The following MCF2L2 variants were observed in gnomAD, a reference collection of about 807,000 sequenced individuals.
The protein encoded by MCF2L2 is MCF.2 cell line derived transforming sequence-like 2, also known as probable guanine nucleotide exchange factor MCF2L2.
In MCF2L2, 102 loss-of-function variants were observed where a neutral mutation model predicts 150.2. The ratio of observed to expected loss-of-function variants is 0.68; its 90% CI spans 0.58 to 0.80. The LOEUF (loss-of-function observed/expected upper bound fraction) is 0.80. Ranked by LOEUF, MCF2L2 falls within the 30% of genes least tolerant of loss-of-function variation. The pLI is 0.00. For missense variants in MCF2L2, 1,256 were observed against 1,372.8 expected, an observed-to-expected ratio of 0.91 and a Z score of 1.34; for synonymous variants, 465 against 491.3, an observed-to-expected ratio of 0.95 and a Z score of 0.71.
chr3:183,204,978 G>A (rs182687062), intron 25 of MCF2L2, among the ~76,000 whole-genome samples: 6 of 152,374 alleles, frequency 3.9e-5, no homozygotes, highest in African/African-American at 1.2e-4. Flanking sequence ...CAGGGGCTGG[G>A]TAAAGGTGAG....
chr3:183,353,845 A>C (rs1711610403), intron 3 of MCF2L2, among the ~76,000 whole-genome samples: 1 of 152,206 alleles, frequency 6.6e-6, no homozygotes, highest in South Asian at 2.1e-4. Context: ...AAAATAAGGC[A>C]GCCCTTTCCC....
At chr3:183,396,548 C>T (rs573961190) in intron 1 of MCF2L2, among the ~76,000 whole-genome samples, 59 of 152,270 alleles carry the variant, frequency 3.9e-4, no homozygotes, top group African/African-American at 1.4e-3. Flanking sequence ...CTGTTCTCAA[C>T]AGTTCAAAGT....
chr3:183,422,036 C>T (rs1327107436), intron 1 of MCF2L2, among the ~76,000 whole-genome samples: 1 of 152,196 alleles, frequency 6.6e-6, no homozygotes, highest in Non-Finnish European at 1.5e-5. Context: ...CTACTGCTTG[C>T]TTTATCGTTT....
At chr3:183,412,114 A>G (rs867365308) in intron 1 of MCF2L2, among the ~76,000 whole-genome samples, 2 of 152,214 alleles carry the variant, frequency 1.3e-5, no homozygotes, top group Non-Finnish European at 2.9e-5. Context: ...CTACAAAATC[A>G]TAAGTTTTCT....
At chr3:183,391,075 T>C (rs538839566) in intron 1 of MCF2L2, among the ~76,000 whole-genome samples, 1 of 152,264 alleles carries the variant, frequency 6.6e-6, no homozygotes, top group South Asian at 2.1e-4. Flanking sequence ...GATATTCTAG[T>C]GTTGACCAAT....
intron 6 of MCF2L2, among the ~76,000 whole-genome samples, chr3:183,318,903 G>C (rs115646179): frequency 2.6e-5 from 4 of 152,194 alleles, no homozygotes. Flanking sequence ...TTTGCTGCCG[G>C]AGGGTCTTGC....
At chr3:183,405,535 A>G (rs1715000074) in intron 1 of MCF2L2, among the ~76,000 whole-genome samples, 1 of 152,178 alleles carries the variant, frequency 6.6e-6, no homozygotes, top group African/African-American at 2.4e-5. Flanking sequence ...ACCTTTTCCC[A>G]GTATCATAGA....
intron 22 of MCF2L2, among the ~76,000 whole-genome samples, chr3:183,214,061 T>C (rs1467254078): frequency 6.6e-6 from 1 of 152,198 alleles, no homozygotes; most frequent in Admixed American, 6.5e-5. Flanking sequence ...GGGCAGAATG[T>C]TATTTGCTCA....
intron 3 of MCF2L2, among the ~76,000 whole-genome samples, chr3:183,343,514 G>T (rs1439822857): frequency 6.6e-6 from 1 of 151,960 alleles, no homozygotes; most frequent in African/African-American, 2.4e-5. Context: ...GGGATTACAG[G>T]TGCCCACCAC....
chr3:183,276,819 C>T, intron 15 of MCF2L2, 53 bp downstream of exon 15: 2 of 1,286,642 alleles, frequency 1.6e-6, no homozygotes, highest in Non-Finnish European at 2.2e-6. Flanking sequence ...GGATCCTCGC[C>T]ACCCATGCCC....
intron 15 of MCF2L2, among the ~76,000 whole-genome samples, chr3:183,273,746 A>G (rs1028767574): frequency 2.6e-5 from 4 of 152,202 alleles, no homozygotes; most frequent in African/African-American, 9.7e-5. Context: ...TAGATACACA[A>G]ATACTTTCCA....
chr3:183,278,432 A>G (rs1727291242), intron 14 of MCF2L2, among the ~76,000 whole-genome samples: 1 of 151,942 alleles, frequency 6.6e-6, no homozygotes, highest in Admixed American at 6.6e-5. Context: ...GTCAAATTCA[A>G]TCTAATTATT....
chr3:183,246,425 G>T (rs974989403), intron 15 of MCF2L2, among the ~76,000 whole-genome samples: 7 of 152,162 alleles, frequency 4.6e-5, no homozygotes, highest in South Asian at 2.1e-4. Context: ...TCTCATATAA[G>T]TGGAATCATA....
chr3:183,257,766 T>C (rs1725177938), intron 15 of MCF2L2, among the ~76,000 whole-genome samples: 2 of 146,480 alleles, frequency 1.4e-5, no homozygotes, highest in Admixed American at 6.6e-5. Flanking sequence ...TGGTTTTTCT[T>C]ATTATTATTC....
intron 3 of MCF2L2, among the ~76,000 whole-genome samples, chr3:183,363,933 T>C (rs1712364983): frequency 6.6e-6 from 1 of 152,094 alleles, no homozygotes; most frequent in Non-Finnish European, 1.5e-5. Context: ...TCCACAGAAA[T>C]TGATCACAAT....
intron 1 of MCF2L2, among the ~76,000 whole-genome samples, chr3:183,411,577 T>A (rs537487674): frequency 6.6e-6 from 1 of 152,218 alleles, no homozygotes; most frequent in South Asian, 2.1e-4. Flanking sequence ...GCTATATTAA[T>A]TAAGTGTAAT....
At position 183,427,922 on chromosome 3, in the gene MCF2L2, G is replaced by C. The variant is rs1230721373; in HGVS notation, c.56C>G (p.Ala19Gly). Residue 19 changes from alanine (A) to glycine (G), a missense_variant, in exon 1 of 30, where the codon GCC (alanine) becomes GGC (glycine). By Grantham distance (60) the Ala-to-Gly change is moderately conservative. Coordinates refer to ENST00000328913, the MANE Select transcript of MCF2L2 (RefSeq NM_015078.4). ...TTTACCGACATGAGTGATCACTGTG[G>C]CCAGTCGCCGGGTGAGCTCCTGGGG... ...MPPQELTRRL[A>G]TVITHVDEIM... The C allele has an allele frequency of 2.5e-6, 4 of 1,614,074 alleles. No homozygotes were observed. Among genetic ancestry groups the C allele is most frequent in the Non-Finnish European group, 3.4e-6 (4 of 1,179,900 alleles).
intron 3 of MCF2L2, among the ~76,000 whole-genome samples, chr3:183,360,570 C>CAA (rs112722998): frequency 2.1e-5 from 3 of 145,778 alleles, no homozygotes; most frequent in African/African-American, 7.5e-5. Context: ...GAACCTGTCT[C>CAA]AAAAAAAAAA....
intron 10 of MCF2L2, among the ~76,000 whole-genome samples, chr3:183,300,503 CT>C: frequency 6.6e-6 from 1 of 152,262 alleles, no homozygotes; most frequent in African/African-American, 2.4e-5. Flanking sequence ...CAGATATCAA[CT>C]AAATTACACA....
Sources: allele counts gnomAD v4.1 joint callset (sites outside exome capture counted in the v4.1 genomes callset), GRCh38; gene constraint gnomAD v4.1.1; transcripts MANE v1.5; gene names NCBI Gene and HGNC (gene_info 2026-07-23, HGNC 2026-07-21).